Variants in KLHL29 observed in about 807,000 individuals in gnomAD.
KLHL29 encodes kelch-like protein 29.
A neutral mutation model predicts 80.4 loss-of-function variants in KLHL29; 21 were observed. The ratio of observed to expected loss-of-function variants is 0.26; its 90% CI spans 0.19 to 0.38. The LOEUF is 0.38. Among genes scored for constraint, KLHL29 ranks in the 10% least tolerant of loss-of-function variants. The probability of loss-of-function intolerance (pLI) is 1.00; values close to 1 mark genes in which losing one functional copy is unlikely to be tolerated. For synonymous variants in KLHL29, 511 were observed against 526.8 expected, an observed-to-expected ratio of 0.97 and a Z score of 0.41; for missense variants, 867 against 1,223.9, an observed-to-expected ratio of 0.71 and a Z score of 4.35.
At chr2:23,641,114 C>T (rs1669757624) in intron 4 of KLHL29, among the ~76,000 whole-genome samples, 1 of 152,178 alleles carries the variant, frequency 6.6e-6, no homozygotes, top group Admixed American at 6.5e-5. Flanking sequence ...GACCTGGACC[C>T]AGGCTCATTT....
intron 2 of KLHL29, among the ~76,000 whole-genome samples, chr2:23,487,257 G>A (rs561024081): frequency 7.9e-5 from 12 of 152,156 alleles, no homozygotes; most frequent in Admixed American, 5.2e-4. Flanking sequence ...AGAGCAGAGC[G>A]TCTCCTTGCT....
intron 1 of KLHL29, among the ~76,000 whole-genome samples, chr2:23,405,537 G>T (rs778127301): frequency 2.6e-5 from 4 of 152,174 alleles, no homozygotes; most frequent in Non-Finnish European, 5.9e-5. Context: ...CTTCATCAGG[G>T]ACTGGTTCTG....
chr2:23,560,479 C>T (rs1207868520), intron 2 of KLHL29, among the ~76,000 whole-genome samples: 2 of 152,014 alleles, frequency 1.3e-5, no homozygotes, highest in African/African-American at 4.8e-5. Context: ...CTGTGTTGGC[C>T]AAGATGGTCT....
At position 23,585,656 on chromosome 2, in the gene KLHL29, A is replaced by G. The variant is rs1429593844; in HGVS notation, c.285+23175A>G. 3.3e-5 allele frequency among the ~76,000 whole-genome samples: 5 copies of G among 151,956 alleles called. No homozygotes were observed. The South Asian group carries it at 1.0e-3, about 32-fold the overall frequency. On this transcript the variant is annotated intron_variant, in intron 3 of 13. Transcript: ENST00000486442. ...TCTGCCCCCCAGGCTCCCCACCACC[A>G]TGCCCACCCCTGCCAGCCTGCCCAG...
At chr2:23,586,998 G>A (rs748710641) in intron 3 of KLHL29, among the ~76,000 whole-genome samples, 9 of 152,116 alleles carry the variant, frequency 5.9e-5, no homozygotes, top group African/African-American at 2.2e-4. Context: ...TCTTATTGTT[G>A]GGGGATATAA....
At chr2:23,471,009 C>T (rs1664482863) in intron 1 of KLHL29, among the ~76,000 whole-genome samples, 1 of 152,232 alleles carries the variant, frequency 6.6e-6, no homozygotes, top group South Asian at 2.1e-4. Flanking sequence ...CCTTGCAGGA[C>T]ACACTGGGAG....
intron 3 of KLHL29, among the ~76,000 whole-genome samples, chr2:23,597,399 ATATATATATTTTTTTTT>A (rs1668448279): frequency 2.5e-5 from 2 of 79,740 alleles, no homozygotes; most frequent in Non-Finnish European, 4.6e-5. Flanking sequence ...ATATATATAT[ATATATATATTTTTTTTT>A]TTTTTTTTTT....
intron 1 of KLHL29, among the ~76,000 whole-genome samples, chr2:23,388,989 C>CT (rs10691490): frequency 0.016 from 1,722 of 106,876 alleles, 29 homozygotes; most frequent in Non-Finnish European, 0.022. Flanking sequence ...CTTTCTTCTT[C>CT]TTTTTTTTTT....
At chr2:23,615,457 C>T (rs1321110945) in intron 3 of KLHL29, among the ~76,000 whole-genome samples, 1 of 152,170 alleles carries the variant, frequency 6.6e-6, no homozygotes, top group Non-Finnish European at 1.5e-5. Flanking sequence ...CGGAGCATCT[C>T]ATGTGTGTCT....
At chr2:23,493,928 A>T (rs1021067808) in intron 2 of KLHL29, among the ~76,000 whole-genome samples, 1 of 152,210 alleles carries the variant, frequency 6.6e-6, no homozygotes, top group Admixed American at 6.5e-5. Flanking sequence ...AACTGCTCAA[A>T]ATTCCAGCAG....
chr2:23,552,337 A>G (rs540288349), intron 2 of KLHL29, among the ~76,000 whole-genome samples: 1 of 152,338 alleles, frequency 6.6e-6, no homozygotes, highest in East Asian at 1.9e-4. Flanking sequence ...GGGGATGGGT[A>G]TATTCCCAAA....
chr2:23,453,206 T>C (rs530784432), intron 1 of KLHL29, among the ~76,000 whole-genome samples: 6 of 151,954 alleles, frequency 3.9e-5, no homozygotes, highest in Non-Finnish European at 7.4e-5. Flanking sequence ...TCTCTGAAAA[T>C]TCTCTGGCAA....
intron 2 of KLHL29, among the ~76,000 whole-genome samples, chr2:23,489,619 A>G (rs1241132877): frequency 1.3e-5 from 2 of 152,046 alleles, no homozygotes; most frequent in Non-Finnish European, 2.9e-5. Context: ...CCAGCTTCGC[A>G]TTAATGCATG....
chr2:23,453,560 G>A (rs908959673), intron 1 of KLHL29, among the ~76,000 whole-genome samples: 5 of 152,182 alleles, frequency 3.3e-5, no homozygotes, highest in Admixed American at 6.5e-5. Flanking sequence ...CCCTGGAGCC[G>A]GAGCCCCTGC....
At chr2:23,488,725 C>T (rs1665005043) in intron 2 of KLHL29, among the ~76,000 whole-genome samples, 1 of 152,110 alleles carries the variant, frequency 6.6e-6, no homozygotes, top group African/African-American at 2.4e-5. Context: ...GTGTCGCCTA[C>T]ACAAAACCAC....
At chr2:23,605,774 T>A (rs1405701177) in intron 3 of KLHL29, among the ~76,000 whole-genome samples, 2 of 44,924 alleles carry the variant, frequency 4.5e-5, no homozygotes, top group Non-Finnish European at 1.0e-4. Flanking sequence ...GGGAAAACCG[T>A]TTTTTTTTTT....
chr2:23,513,058 G>A (rs937032629), intron 2 of KLHL29, among the ~76,000 whole-genome samples: 15 of 152,364 alleles, frequency 9.8e-5, no homozygotes, highest in Admixed American at 7.2e-4. Flanking sequence ...ACCCCCAAGA[G>A]GGGAGAAGGC....
chr2:23,507,735 C>G (rs984523331), intron 2 of KLHL29, among the ~76,000 whole-genome samples: 13 of 152,136 alleles, frequency 8.5e-5, no homozygotes, highest in African/African-American at 3.1e-4. Context: ...CCCAAAGCAG[C>G]CTGTTTGTTC....
At chr2:23,437,868 G>T (rs1247480673) in intron 1 of KLHL29, among the ~76,000 whole-genome samples, 1 of 152,154 alleles carries the variant, frequency 6.6e-6, no homozygotes, top group Non-Finnish European at 1.5e-5. Context: ...TAGTTTGATG[G>T]GGATGGCATT....
Sources: gnomAD v4.1 joint callset for allele counts (sites outside exome capture counted in the v4.1 genomes callset) on GRCh38, gnomAD v4.1.1 for gene constraint, MANE v1.5 for transcripts, NCBI Gene and HGNC (gene_info 2026-07-23, HGNC 2026-07-21) for gene names.